The following C12orf42 variants were observed in gnomAD, a reference collection of about 807,000 sequenced individuals.
The protein encoded by C12orf42 is chromosome 12 open reading frame 42.
A neutral mutation model predicts 21.6 loss-of-function variants in C12orf42; 25 were observed. That is an observed-to-expected ratio of 1.16 (90% CI 0.84 to 1.62). C12orf42 has a LOEUF of 1.62. Among genes scored for constraint, C12orf42 ranks in the 40% most tolerant of loss-of-function variants. The pLI is 0.00. For missense variants in C12orf42, 483 were observed against 459.3 expected (o/e 1.05, Z -0.47); for synonymous variants, 174 against 175.0 (o/e 0.99, Z 0.05).
the C12orf42 span, among the ~76,000 whole-genome samples, chr12:103,512,527 T>G: frequency 6.6e-6 from 1 of 152,236 alleles, no homozygotes; most frequent in African/African-American, 2.4e-5. Flanking sequence ...CTAAGTAGCC[T>G]GATTAATCAT....
chr12:103,152,937 C>T, the C12orf42 span, among the ~76,000 whole-genome samples: 227 of 152,180 alleles, frequency 1.5e-3, no homozygotes, highest in Non-Finnish European at 2.7e-3. Context: ...AACCTATGTA[C>T]TTAATGCTTT....
the C12orf42 span, among the ~76,000 whole-genome samples, chr12:103,087,596 A>G: frequency 6.6e-6 from 1 of 152,262 alleles, no homozygotes; most frequent in Non-Finnish European, 1.5e-5. Context: ...ACTGATTTAT[A>G]ATAACACTTA....
At chr12:103,109,165 G>A in the C12orf42 span, among the ~76,000 whole-genome samples, 1 of 152,032 alleles carries the variant, frequency 6.6e-6, no homozygotes, top group Non-Finnish European at 1.5e-5. Context: ...AATTAGGAGG[G>A]GAAATTTTCT....
At chr12:103,331,874 C>T (rs1566094133) in intron 4 of C12orf42, among the ~76,000 whole-genome samples, 1 of 152,106 alleles carries the variant, frequency 6.6e-6, no homozygotes, top group Non-Finnish European at 1.5e-5. Flanking sequence ...GCAGTATAGG[C>T]AGGAAGCATG....
At chr12:103,532,225 T>C in the C12orf42 span, among the ~76,000 whole-genome samples, 20 of 152,202 alleles carry the variant, frequency 1.3e-4, no homozygotes, top group Admixed American at 8.5e-4. Flanking sequence ...AAAAGCTCCA[T>C]AATTTTTCAC....
the C12orf42 span, among the ~76,000 whole-genome samples, chr12:103,139,684 C>T: frequency 3.9e-5 from 6 of 152,114 alleles, no homozygotes; most frequent in Non-Finnish European, 7.4e-5. Flanking sequence ...GTCCAGAGAA[C>T]GCTGGAGATG....
chr12:103,340,171 A>G (rs2042045845), intron 4 of C12orf42, among the ~76,000 whole-genome samples: 1 of 152,232 alleles, frequency 6.6e-6, no homozygotes. Flanking sequence ...TTGGTGAAAA[A>G]TACTAAGAGA....
intron 2 of C12orf42, among the ~76,000 whole-genome samples, chr12:103,415,300 T>C (rs758385081): frequency 1.2e-4 from 18 of 152,074 alleles, no homozygotes; most frequent in Non-Finnish European, 2.1e-4. Context: ...GCCTAAGAAA[T>C]GACTTAGAAA....
chr12:103,124,155 CTTTTT>C, the C12orf42 span, among the ~76,000 whole-genome samples: 19 of 75,964 alleles, frequency 2.5e-4, no homozygotes, highest in African/African-American at 9.4e-4. Context: ...CAAACATAAG[CTTTTT>C]TTTTTTTTTT....
At chr12:103,236,204 C>G (rs1762276491), downstream of C12orf42, among the ~76,000 whole-genome samples, 1 of 152,092 alleles carries the variant, frequency 6.6e-6, no homozygotes, top group African/African-American at 2.4e-5. Flanking sequence ...AAGTCGACAA[C>G]AAGTTTTGAT....
the C12orf42 span, among the ~76,000 whole-genome samples, chr12:103,201,929 C>CA: frequency 4.1e-3 from 619 of 151,134 alleles, 4 homozygotes; most frequent in African/African-American, 8.3e-3. Context: ...AAGTAATTAG[C>CA]CAAAAAAAAG....
At chr12:103,280,211 T>C in intron 4 of C12orf42, among the ~76,000 whole-genome samples, 1 of 152,188 alleles carries the variant, frequency 6.6e-6, no homozygotes, top group East Asian at 1.9e-4. Context: ...GATTAGGTGA[T>C]TTGCTGTGGG....
chr12:103,168,959 A>G, the C12orf42 span, among the ~76,000 whole-genome samples: 1 of 152,066 alleles, frequency 6.6e-6, no homozygotes, highest in African/African-American at 2.4e-5. Flanking sequence ...GAGTTGAACA[A>G]TGAGAACATA....
the C12orf42 span, among the ~76,000 whole-genome samples, chr12:103,190,562 T>C: frequency 6.6e-6 from 1 of 151,928 alleles, no homozygotes; most frequent in Admixed American, 6.6e-5. Context: ...ATAGAAATCA[T>C]AAAAAAGAAC....
chr12:103,272,773 C>G (rs552121162), intron 5 of C12orf42, among the ~76,000 whole-genome samples: 4 of 152,132 alleles, frequency 2.6e-5, no homozygotes, highest in Non-Finnish European at 5.9e-5. Context: ...CAGGAGAAAA[C>G]TGGGGTCCAG....
At chr12:103,216,402 G>T in the C12orf42 span, among the ~76,000 whole-genome samples, 116 of 148,352 alleles carry the variant, frequency 7.8e-4, no homozygotes, top group African/African-American at 2.7e-3. Flanking sequence ...ACAGAGTCTC[G>T]CTCTGTCACC....
At chr12:103,376,762 TG>T (rs2045733933) in intron 3 of C12orf42, among the ~76,000 whole-genome samples, 1 of 152,152 alleles carries the variant, frequency 6.6e-6, no homozygotes, top group African/African-American at 2.4e-5. Flanking sequence ...TGTCTTAGTG[TG>T]GGTTTTCTTT....
chr12:103,418,126 A>G (rs2049528394), intron 2 of C12orf42, among the ~76,000 whole-genome samples: 3 of 152,198 alleles, frequency 2.0e-5, no homozygotes, highest in Admixed American at 1.3e-4. Flanking sequence ...GTACTACCAG[A>G]TCTATTTCTA....
chr12:103,489,622 G>A (rs753072730), intron 1 of C12orf42, among the ~76,000 whole-genome samples: 1 of 152,162 alleles, frequency 6.6e-6, no homozygotes, highest in Non-Finnish European at 1.5e-5. Context: ...TGAGCTTCCC[G>A]GCTGCTTTGT....
Sources: gnomAD v4.1 joint callset for allele counts (sites outside exome capture counted in the v4.1 genomes callset) on GRCh38, gnomAD v4.1.1 for gene constraint, MANE v1.5 for transcripts, NCBI Gene and HGNC (gene_info 2026-07-23, HGNC 2026-07-21) for gene names.